Variants in TMEM114 observed in about 807,000 individuals in gnomAD.
TMEM114 encodes claudin-26.
A neutral mutation model predicts 6.2 loss-of-function variants in TMEM114; 6 were observed. That is an observed-to-expected ratio of 0.97 (90% confidence interval 0.53 to 1.91). TMEM114 has a LOEUF of 1.91. Ranked by LOEUF, TMEM114 falls within the 40% of genes most tolerant of loss-of-function variation. The probability of loss-of-function intolerance (pLI) is 0.01; values close to 1 mark genes in which losing one functional copy is unlikely to be tolerated. For synonymous variants in TMEM114, 104 were observed against 73.0 expected (o/e 1.42, Z -2.16); for missense variants, 218 against 158.3 (o/e 1.38, Z -2.02).
At chr16:8,581,575 T>C (rs182360571) in intron 2 of TMEM114, among the ~76,000 whole-genome samples, 1 of 152,258 alleles carries the variant, frequency 6.6e-6, no homozygotes, top group East Asian at 1.9e-4. Flanking sequence ...TGCCTCAGCC[T>C]CCCAAGTAGC....
intron 2 of TMEM114, among the ~76,000 whole-genome samples, chr16:8,585,102 C>T (rs558925231): frequency 8.5e-5 from 13 of 152,110 alleles, no homozygotes; most frequent in South Asian, 2.1e-4. Context: ...TCTTACATGG[C>T]GGCAGGCAGG....
At chr16:8,563,065 G>C (rs1460723591) in intron 2 of TMEM114, among the ~76,000 whole-genome samples, 10 of 144,662 alleles carry the variant, frequency 6.9e-5, no homozygotes, top group African/African-American at 2.6e-4. Context: ...GAATGAGTAA[G>C]TGAATGAGTA....
At chr16:8,574,384 G>C (rs888012742) in intron 2 of TMEM114, among the ~76,000 whole-genome samples, 3 of 152,168 alleles carry the variant, frequency 2.0e-5, no homozygotes, top group African/African-American at 7.2e-5. Flanking sequence ...AAAGATGATG[G>C]TGATAATCAT....
In TMEM114 at chr16:8,545,402, C is replaced by G. The variant is rs79750065; in HGVS notation, n.213-7576G>C. 4.6e-3 allele frequency among the ~76,000 whole-genome samples: 699 copies of G among 152,284 alleles called. 7 individuals are homozygous for G. Among genetic ancestry groups the G allele is most frequent in the African/African-American group, 0.016 (671 of 41,548 alleles). On this transcript the variant is annotated intron_variant and non_coding_transcript_variant, in intron 2 of 2. Transcript: ENST00000623677. Reference sequence around the variant, plus strand: ...AGTGAGCTGTAATCATACCACTGCACTCACCCTGTGCAACAGTTATACTCT... The same window carrying G: ...AGTGAGCTGTAATCATACCACTGCAGTCACCCTGTGCAACAGTTATACTCT...
chr16:8,544,536 A>T (rs1188917992), intron 2 of TMEM114, among the ~76,000 whole-genome samples: 2 of 152,232 alleles, frequency 1.3e-5, no homozygotes, highest in Admixed American at 6.5e-5. Context: ...GATACATGTG[A>T]ATGAGCAGTC....
At chr16:8,536,118 G>A (rs1036515895), downstream of TMEM114, among the ~76,000 whole-genome samples, 1 of 151,822 alleles carries the variant, frequency 6.6e-6, no homozygotes, top group African/African-American at 2.4e-5. Flanking sequence ...CCAGCTACTC[G>A]GGAGGCTGAG....
intron 2 of TMEM114, among the ~76,000 whole-genome samples, chr16:8,548,619 C>G (rs1484885863): frequency 6.6e-6 from 1 of 150,870 alleles, no homozygotes; most frequent in Non-Finnish European, 1.5e-5. Flanking sequence ...AGCAAATTAT[C>G]TGAGCAGAGA....
intron 2 of TMEM114, among the ~76,000 whole-genome samples, chr16:8,551,087 G>A (rs78670649): frequency 0.075 from 11,383 of 152,196 alleles, 507 homozygotes; most frequent in Middle Eastern, 0.18. Flanking sequence ...CTGAGCTATG[G>A]GTCTCCCAGG....
Position 8,569,959 on chromosome 16 carries a change from G to A in TMEM114, c.486C>T (p.Ala162=), listed in dbSNP as rs577332706. ...GACACAGCGCCTCCCGGAAGGCGGC[G>A]GCTGAATACGCTATGTAGACGCTGA... ...AGISVYIAYS[A]AAFREALCLL... Residue 162 remains alanine, a synonymous_variant, in exon 4 of 4, where the codon GCC becomes GCT. Transcript: ENST00000620492. 6 of 1,550,990 alleles carry A rather than the reference G, an allele frequency of 3.9e-6. No homozygotes were observed. The highest frequency in any genetic ancestry group is 2.7e-5 in the African/African-American group (2 of 73,170).
At chr16:8,575,754 T>C (rs1901900774) in intron 2 of TMEM114, among the ~76,000 whole-genome samples, 1 of 152,260 alleles carries the variant, frequency 6.6e-6, no homozygotes, top group Non-Finnish European at 1.5e-5. Flanking sequence ...AAAATGGTGC[T>C]TGTCACATCA....
rs1237008999 is a variant in TMEM114 at position 8,539,735 on chromosome 16, T to C, written n.213-1909A>G. 2.6e-5 allele frequency among the ~76,000 whole-genome samples: 4 copies of C among 152,150 alleles called. No homozygotes were observed. The East Asian group carries it at 7.7e-4, about 29-fold the overall frequency. On this transcript the variant is annotated intron_variant and non_coding_transcript_variant, in intron 2 of 2. Coordinates refer to the TMEM114 transcript ENST00000623677. The stretch of plus-strand genomic sequence containing the variant: ...CTCATGTCCCATAGCAATATCCAGA[T>C]TGTAACAGAAAACCTAAACTAAAAA...
intron 2 of TMEM114, among the ~76,000 whole-genome samples, chr16:8,561,013 C>G (rs576096773): frequency 1.3e-5 from 2 of 152,182 alleles, no homozygotes; most frequent in South Asian, 2.1e-4. Flanking sequence ...AGAGGGAAAC[C>G]TCTTAAAAAC....
intron 2 of TMEM114, among the ~76,000 whole-genome samples, chr16:8,549,426 G>A (rs548148559): frequency 2.4e-4 from 37 of 151,338 alleles, no homozygotes; most frequent in Non-Finnish European, 4.3e-4. Context: ...CTTGAACCCA[G>A]GGGGCAGAGG....
chr16:8,550,172 G>C (rs1900796827), intron 2 of TMEM114, among the ~76,000 whole-genome samples: 1 of 152,204 alleles, frequency 6.6e-6, no homozygotes, highest in Non-Finnish European at 1.5e-5. Context: ...TTCTAGCCGT[G>C]CTGGCAGCTA....
chr16:8,561,869 T>C (rs1324401532), intron 2 of TMEM114, among the ~76,000 whole-genome samples: 1 of 122,368 alleles, frequency 8.2e-6, no homozygotes, highest in African/African-American at 3.1e-5. Flanking sequence ...AGTGAGGGAA[T>C]GAGTGAGTGA....
At chr16:8,546,482 C>T (rs1900669902) in intron 2 of TMEM114, among the ~76,000 whole-genome samples, 1 of 152,194 alleles carries the variant, frequency 6.6e-6, no homozygotes, top group African/African-American at 2.4e-5. Context: ...ACATTATCTA[C>T]AGGAACCAGC....
chr16:8,558,811 G>A (rs1163102201), intron 2 of TMEM114, among the ~76,000 whole-genome samples: 1 of 151,582 alleles, frequency 6.6e-6, no homozygotes, highest in African/African-American at 2.4e-5. Flanking sequence ...CATGATCTCG[G>A]CTCACTGCAA....
At chr16:8,565,876 C>A (rs1013281324), downstream of TMEM114, among the ~76,000 whole-genome samples, 2 of 152,122 alleles carry the variant, frequency 1.3e-5, no homozygotes, top group East Asian at 3.9e-4. Context: ...TTAAATAGGA[C>A]CCCCACGTGA....
chr16:8,553,139 G>C (rs1385077285), intron 2 of TMEM114, among the ~76,000 whole-genome samples: 2 of 152,224 alleles, frequency 1.3e-5, no homozygotes, highest in Non-Finnish European at 2.9e-5. Flanking sequence ...GAGCACAAGA[G>C]TGCCGATCGC....
Sources: gnomAD v4.1 joint callset for allele counts (sites outside exome capture counted in the v4.1 genomes callset) on GRCh38, gnomAD v4.1.1 for gene constraint, MANE v1.5 for transcripts, NCBI Gene and HGNC (gene_info 2026-07-23, HGNC 2026-07-21) for gene names.